Variants in VRK2 observed in about 807,000 individuals in gnomAD.
VRK2 encodes VRK serine/threonine kinase 2.
Under a neutral mutation model 57.6 loss-of-function variants are expected in VRK2, and 60 were observed. The observed-to-expected ratio is 1.04, with a 90% confidence interval of 0.85 to 1.29. The LOEUF (loss-of-function observed/expected upper bound fraction) is 1.29, where lower values mean the gene tolerates loss of function less well. Ranked by LOEUF, VRK2 falls within the 50% of genes most tolerant of loss-of-function variation. The pLI, the probability that VRK2 is intolerant of heterozygous loss-of-function variation, is 0.00. For synonymous variants in VRK2, 231 were observed against 199.2 expected (o/e 1.16, Z -1.35); for missense variants, 705 against 588.1 (o/e 1.20, Z -2.06).
intron 2 of VRK2, among the ~76,000 whole-genome samples, chr2:58,029,496 G>T (rs367969859): frequency 2.1e-4 from 32 of 152,226 alleles, no homozygotes; most frequent in Middle Eastern, 3.4e-3. Context: ...AACATTTAAA[G>T]AAAAAGTTAA....
At chr2:58,022,826 G>C (rs1572792836) in intron 1 of VRK2, among the ~76,000 whole-genome samples, 1 of 152,254 alleles carries the variant, frequency 6.6e-6, no homozygotes, top group African/African-American at 2.4e-5. Context: ...AGTGAGCCAA[G>C]ATCACACCAC....
At chr2:58,076,361 C>A (rs1377033223) in intron 2 of VRK2, among the ~76,000 whole-genome samples, 3 of 151,978 alleles carry the variant, frequency 2.0e-5, no homozygotes, top group Admixed American at 2.0e-4. Context: ...TGGGCAAAAT[C>A]ATCTAACACA....
At chr2:57,970,915 T>C (rs1297945157) in intron 1 of VRK2, among the ~76,000 whole-genome samples, 1 of 152,150 alleles carries the variant, frequency 6.6e-6, no homozygotes, top group East Asian at 1.9e-4. Context: ...GGATTTTTTT[T>C]CCTTTTTTGT....
chr2:58,087,890 G>A (rs891082988), intron 5 of VRK2, among the ~76,000 whole-genome samples: 25 of 152,138 alleles, frequency 1.6e-4, no homozygotes, highest in African/African-American at 5.3e-4. Flanking sequence ...GGGAGGCTGA[G>A]GCAGGAGAAT....
chr2:57,974,080 T>A (rs1325596558), intron 1 of VRK2, among the ~76,000 whole-genome samples: 1 of 151,856 alleles, frequency 6.6e-6, no homozygotes, highest in Non-Finnish European at 1.5e-5. Context: ...GTTAGCTTAG[T>A]GTTTGTTGCA....
intron 12 of VRK2, chr2:58,159,135 A>G: frequency 2.4e-6 from 1 of 408,258 alleles, no homozygotes; most frequent in East Asian, 3.7e-5. Flanking sequence ...AGAACCACTC[A>G]AATTATATCC....
chr2:58,117,688 A>G (rs2104453815), intron 7 of VRK2, among the ~76,000 whole-genome samples: 1 of 152,290 alleles, frequency 6.6e-6, no homozygotes, highest in South Asian at 2.1e-4. Flanking sequence ...TGTAGGATGG[A>G]AAAATTGAAA....
At chr2:58,106,234 A>C (rs1023470170) in intron 7 of VRK2, among the ~76,000 whole-genome samples, 1 of 151,934 alleles carries the variant, frequency 6.6e-6, no homozygotes, top group Non-Finnish European at 1.5e-5. Flanking sequence ...CTGTAATTGG[A>C]AAGATTTTCT....
chr2:58,011,159 G>A (rs1448389205), intron 1 of VRK2, among the ~76,000 whole-genome samples: 1 of 152,144 alleles, frequency 6.6e-6, no homozygotes, highest in African/African-American at 2.4e-5. Context: ...TAATGTCAGA[G>A]AAGACAATTG....
At chr2:57,952,859 C>A (rs1671470312) in intron 1 of VRK2, among the ~76,000 whole-genome samples, 1 of 152,132 alleles carries the variant, frequency 6.6e-6, no homozygotes, top group East Asian at 1.9e-4. Flanking sequence ...TAAAGTCTGC[C>A]ATGGATTTGA....
intron 12 of VRK2, among the ~76,000 whole-genome samples, chr2:58,151,370 C>G (rs1316216721): frequency 2.6e-5 from 4 of 151,760 alleles, no homozygotes; most frequent in African/African-American, 7.2e-5. Context: ...TTGAGTTCTA[C>G]TTCATCTGAC....
intron 1 of VRK2, among the ~76,000 whole-genome samples, chr2:57,953,124 A>T (rs1055324790): frequency 2.0e-5 from 3 of 152,180 alleles, no homozygotes; most frequent in Non-Finnish European, 4.4e-5. Flanking sequence ...TCCTTTTTTC[A>T]AAACTTCAGA....
rs1671606954 is a variant in VRK2 at position 57,957,019 on chromosome 2, C to T, written c.-439+49180C>T. Among the ~76,000 whole-genome samples the T allele has an allele frequency of 2.0e-5, 3 of 152,168 alleles. No individual in the cohort carries two copies. The South Asian group carries it at 6.2e-4, about 32-fold the overall frequency. ...TGTTAAATAGATTGAAAGCTTTCAA[C>T]TTGATTCCTTAGGAAATTATTCTCC... On this transcript the variant is annotated intron_variant, in intron 1 of 15. Coordinates refer to the VRK2 transcript ENST00000417641.
chr2:58,153,861 C>T (rs1573436168), intron 12 of VRK2, among the ~76,000 whole-genome samples: 1 of 151,996 alleles, frequency 6.6e-6, no homozygotes, highest in Non-Finnish European at 1.5e-5. Flanking sequence ...GCTATGAATT[C>T]AATTTCTTTA....
intron 1 of VRK2, among the ~76,000 whole-genome samples, chr2:57,966,355 A>G (rs1671916167): frequency 6.6e-6 from 1 of 152,054 alleles, no homozygotes; most frequent in Non-Finnish European, 1.5e-5. Context: ...GCTTCCCTAC[A>G]TGACCAGCTA....
chr2:57,971,119 T>C (rs541980238), intron 1 of VRK2, among the ~76,000 whole-genome samples: 2 of 152,060 alleles, frequency 1.3e-5, no homozygotes, highest in East Asian at 3.9e-4. Context: ...ACTCAACATA[T>C]AGCCATACTC....
At chr2:57,932,424 TATTG>T (rs1221760427) in intron 1 of VRK2, among the ~76,000 whole-genome samples, 2 of 152,174 alleles carry the variant, frequency 1.3e-5, no homozygotes, top group Non-Finnish European at 2.9e-5. Flanking sequence ...AAATTCATCT[TATTG>T]ATTATCTTTT....
At chr2:58,011,661 T>A (rs922900991) in intron 1 of VRK2, among the ~76,000 whole-genome samples, 5 of 152,234 alleles carry the variant, frequency 3.3e-5, no homozygotes, top group Non-Finnish European at 7.3e-5. Flanking sequence ...TATTTTGTTA[T>A]ATTTTATTTT....
At chr2:58,125,745 T>C (rs540572953) in intron 8 of VRK2, among the ~76,000 whole-genome samples, 18 of 152,214 alleles carry the variant, frequency 1.2e-4, no homozygotes, top group Middle Eastern at 3.4e-3. Flanking sequence ...ATTACATATA[T>C]ATGCACATAT....
Sources: gnomAD v4.1 joint callset for allele counts (sites outside exome capture counted in the v4.1 genomes callset) on GRCh38, gnomAD v4.1.1 for gene constraint, MANE v1.5 for transcripts, NCBI Gene and HGNC (gene_info 2026-07-23, HGNC 2026-07-21) for gene names.